The following ADARB2 variants were observed in gnomAD, a reference collection of about 807,000 sequenced individuals.
ADARB2 encodes adenosine deaminase RNA specific B2 (inactive).
In ADARB2, 25 loss-of-function variants were observed where a neutral mutation model predicts 62.2. That is an observed-to-expected ratio of 0.40 (90% CI 0.29 to 0.56). The LOEUF (loss-of-function observed/expected upper bound fraction) is 0.56. Among genes scored for constraint, ADARB2 ranks in the 20% least tolerant of loss-of-function variants. The pLI, the probability that ADARB2 is intolerant of heterozygous loss-of-function variation, is 0.43. For missense variants in ADARB2, 1,071 were observed against 1,077.4 expected (o/e 0.99, Z 0.08); for synonymous variants, 572 against 500.8 (o/e 1.14, Z -1.90).
chr10:1,557,347 C>G (rs565007366), intron 1 of ADARB2, among the ~76,000 whole-genome samples: 190 of 152,150 alleles, frequency 1.2e-3, no homozygotes, highest in African/African-American at 4.4e-3. Flanking sequence ...ACCCTGGCAG[C>G]TCCAACTCTC....
intron 3 of ADARB2, among the ~76,000 whole-genome samples, chr10:1,312,415 C>A (rs1412897057): frequency 3.3e-5 from 5 of 152,318 alleles, no homozygotes; most frequent in African/African-American, 1.2e-4. Flanking sequence ...TCTGCTGTGG[C>A]CTGAATGTGA....
intron 1 of ADARB2, among the ~76,000 whole-genome samples, chr10:1,472,330 C>T (rs1182910703): frequency 2.0e-5 from 3 of 152,194 alleles, no homozygotes; most frequent in Non-Finnish European, 4.4e-5. Context: ...GGCCATGCGG[C>T]TCAGGGGTCA....
In ADARB2 at chr10:1,462,969, C is replaced by T. The variant is rs192121377; in HGVS notation, c.101-83809G>A. Among the ~76,000 whole-genome samples the T allele has an allele frequency of 8.2e-4, 121 of 147,682 alleles. 2 individuals carry two copies. The highest frequency in any genetic ancestry group is 7.7e-3 in the Admixed American group (112 of 14,570). On this transcript the variant is annotated intron_variant, in intron 1 of 9. Coordinates refer to ENST00000381312, the MANE Select transcript of ADARB2 (RefSeq NM_018702.4). ...TAAAACAAGAAACAGCCTCAAAACA[C>T]GTCCTCCACTCCGGATGCAGTAGGG... is the stretch of plus-strand genomic sequence containing the variant.
intron 1 of ADARB2, among the ~76,000 whole-genome samples, chr10:1,409,839 G>A (rs541059879): frequency 4.0e-5 from 5 of 125,288 alleles, no homozygotes; most frequent in Non-Finnish European, 7.3e-5. Context: ...AGGCCTGGCC[G>A]TGGTCACAGG....
At chr10:1,337,920 G>A (rs1831989334) in intron 3 of ADARB2, among the ~76,000 whole-genome samples, 1 of 152,218 alleles carries the variant, frequency 6.6e-6, no homozygotes, top group South Asian at 2.1e-4. Context: ...TTCACCTCGT[G>A]CACACTATAC....
intron 3 of ADARB2, among the ~76,000 whole-genome samples, chr10:1,330,095 A>G (rs1189763585): frequency 6.6e-6 from 1 of 152,124 alleles, no homozygotes; most frequent in African/African-American, 2.4e-5. Flanking sequence ...ATAATCAGTG[A>G]ATTTTGCCCA....
rs188387759 is a variant in ADARB2 at position 1,618,699 on chromosome 10, G to C, written c.100+118352C>G. Among the ~76,000 whole-genome samples, 6 of 152,194 alleles carry C rather than the reference G, an allele frequency of 3.9e-5. No homozygotes were observed. The East Asian group carries it at 1.2e-3, about 29-fold the overall frequency. Reference sequence around the variant, plus strand: ...GTCAGATCTTAAGTGGTGCCACCTAGCAAGTTTGAGGTAGTTAAAAATCTG... The same window carrying C: ...GTCAGATCTTAAGTGGTGCCACCTACCAAGTTTGAGGTAGTTAAAAATCTG... On this transcript the variant is annotated intron_variant, in intron 1 of 9. Transcript: ENST00000381312.
chr10:1,709,984 T>TA (rs1834931057), intron 1 of ADARB2, among the ~76,000 whole-genome samples: 1 of 152,338 alleles, frequency 6.6e-6, no homozygotes, highest in Admixed American at 6.5e-5. Flanking sequence ...CTGGTCATTT[T>TA]ATGTGCAGCT....
intron 1 of ADARB2, among the ~76,000 whole-genome samples, chr10:1,429,439 A>C (rs546994557): frequency 1.2e-4 from 18 of 152,290 alleles, no homozygotes; most frequent in Non-Finnish European, 1.0e-4. Context: ...ATGCAGATGG[A>C]AATTCTCATT....
chr10:1,523,775 T>C (rs752103998), intron 1 of ADARB2, among the ~76,000 whole-genome samples: 9 of 152,224 alleles, frequency 5.9e-5, no homozygotes, highest in Non-Finnish European at 1.2e-4. Flanking sequence ...AGTTTCACCA[T>C]TATATCAGCA....
At position 1,255,088 on chromosome 10, in the gene ADARB2, T is replaced by G. The variant is rs947682023; in HGVS notation, c.1193-12789A>C. Reference sequence around the variant, plus strand: ...CACCCTCACTTTCAGGTGCTGAGACTGCCAGTCATGCCGGGGCTCAGCCCC... The same window carrying G: ...CACCCTCACTTTCAGGTGCTGAGACGGCCAGTCATGCCGGGGCTCAGCCCC... On this transcript the variant is annotated intron_variant, in intron 4 of 9. Transcript: ENST00000381312. This position sits in a 1 kb window ranked among gnomAD's most constrained non-coding sequence, Gnocchi z 4.7. Among the ~76,000 whole-genome samples, 1 of 152,254 alleles carries G rather than the reference T, an allele frequency of 6.6e-6. No individual in the cohort carries two copies. The highest frequency in any genetic ancestry group is 6.5e-5 in the Admixed American group (1 of 15,290).
At chr10:1,559,182 C>T (rs1203744533) in intron 1 of ADARB2, among the ~76,000 whole-genome samples, 2 of 152,220 alleles carry the variant, frequency 1.3e-5, no homozygotes, top group African/African-American at 4.8e-5. Context: ...CAGATACTTG[C>T]TTCTCCCCAC....
At chr10:1,660,711 C>T (rs1834235456) in intron 1 of ADARB2, among the ~76,000 whole-genome samples, 2 of 152,172 alleles carry the variant, frequency 1.3e-5, no homozygotes, top group Admixed American at 1.3e-4. Context: ...TGGACACCTG[C>T]CCATCCCCAG....
rs1564199977 is a variant in ADARB2 at position 1,704,858 on chromosome 10, C to G, written c.100+32193G>C. On this transcript the variant is annotated intron_variant, in intron 1 of 9. Coordinates refer to ENST00000381312, the MANE Select transcript of ADARB2 (RefSeq NM_018702.4). The surrounding 1 kb of genome is among the most constrained non-coding windows in gnomAD (Gnocchi z 5.6). ...TTGCATATGCCAGCCTGAGCCTCCA[C>G]TCTCTCACTGAGGAGCCCAGCAGTT... 6.6e-6 allele frequency among the ~76,000 whole-genome samples: 1 copy of G among 152,148 alleles called. No individual in the cohort carries two copies. Among genetic ancestry groups the G allele is most frequent in the East Asian group, 1.9e-4 (1 of 5,188 alleles).
At chr10:1,655,358 G>A (rs901112444) in intron 1 of ADARB2, among the ~76,000 whole-genome samples, 3 of 152,208 alleles carry the variant, frequency 2.0e-5, no homozygotes, top group South Asian at 4.1e-4. Context: ...TGGCCCTAAT[G>A]CAGAAGAGAA....
chr10:1,391,517 C>T (rs1338270149), intron 1 of ADARB2, among the ~76,000 whole-genome samples: 1 of 152,134 alleles, frequency 6.6e-6, no homozygotes, highest in African/African-American at 2.4e-5. Flanking sequence ...TCAGTTTACC[C>T]ACGATGATTT....
At chr10:1,665,570 C>T (rs373901666) in intron 1 of ADARB2, among the ~76,000 whole-genome samples, 18 of 152,384 alleles carry the variant, frequency 1.2e-4, no homozygotes, top group African/African-American at 2.2e-4. Context: ...CCCTGCATGC[C>T]GGGGTCCAGC....
chr10:1,638,596 T>C (rs1169589127), intron 1 of ADARB2, among the ~76,000 whole-genome samples: 1 of 152,188 alleles, frequency 6.6e-6, no homozygotes, highest in East Asian at 1.9e-4. Context: ...GACATCGTTC[T>C]CTGAGCCTCG....
intron 1 of ADARB2, among the ~76,000 whole-genome samples, chr10:1,510,059 C>CTCACTCTTTCTTTCTTTCTCTT (rs1213152661): frequency 6.7e-6 from 1 of 150,252 alleles, no homozygotes; most frequent in Non-Finnish European, 1.5e-5. Context: ...TTCTCTCTCT[C>CTCACTCTTTCTTTCTTTCTCTT]TCACTCTTTC....
Sources: allele counts gnomAD v4.1 joint callset (sites outside exome capture counted in the v4.1 genomes callset), GRCh38; gene constraint gnomAD v4.1.1; non-coding constraint Gnocchi (gnomAD v3.1); transcripts MANE v1.5; gene names NCBI Gene and HGNC (gene_info 2026-07-23, HGNC 2026-07-21).